The following USF3 variants were observed in gnomAD, a reference collection of about 807,000 sequenced individuals.
USF3 encodes the protein basic helix-loop-helix domain-containing protein USF3.
A neutral mutation model predicts 157.5 loss-of-function variants in USF3; 29 were observed. That is an observed-to-expected ratio of 0.18 (90% CI 0.14 to 0.25). The LOEUF is 0.25. Ranked by LOEUF, USF3 falls within the 10% of genes least tolerant of loss-of-function variation. USF3 has a pLI of 1.00. For missense variants in USF3, 2,381 were observed against 2,667.6 expected (o/e 0.89, Z 2.37); for synonymous variants, 893 against 941.4 (o/e 0.95, Z 0.94).
intron 1 of USF3, among the ~76,000 whole-genome samples, chr3:113,686,202 G>A (rs1707542123): frequency 6.6e-6 from 1 of 152,182 alleles, no homozygotes; most frequent in East Asian, 1.9e-4. Flanking sequence ...GCAAGGGCTG[G>A]TCTAAATGCT....
Position 113,656,563 on chromosome 3 carries a change from G to T in USF3, c.5119C>A (p.Pro1707Thr). The T allele has an allele frequency of 6.2e-7, 1 of 1,614,142 alleles. No individual in the cohort carries two copies. The change falls in exon 7 of 7, where the codon CCC (proline) becomes ACC (threonine). Residue 1707 changes from proline to threonine, a missense_variant. By Grantham distance (38) the Pro-to-Thr change is conservative. Around this residue, in one of 6 missense-constraint regions of USF3, gnomAD observed 770 missense variants for 824.2 expected, o/e 0.93. Coordinates refer to ENST00000316407, the MANE Select transcript of USF3 (RefSeq NM_001009899.4). Reference protein sequence around the residue: ...QLEMRSYLDVPRNKSLAIHNM... With the variant: ...QLEMRSYLDVTRNKSLAIHNM... ...TGAATAGCCAAACTCTTATTTCTGG[G>T]AACATCAAGATAGCTTCTCATTTCA...
Position 113,657,959 on chromosome 3 carries a change from C to T in USF3, c.3723G>A (p.Val1241=). The T allele has an allele frequency of 6.2e-7, 1 of 1,614,172 alleles. No individual in the cohort carries two copies. The highest frequency in any genetic ancestry group is 8.5e-7 in the Non-Finnish European group (1 of 1,180,026). The change falls in exon 7 of 7, where the codon GTG becomes GTA. Residue 1241 remains valine, a synonymous_variant. Coordinates refer to ENST00000316407, the MANE Select transcript of USF3 (RefSeq NM_001009899.4). ...SQPPSITSLS[V]NNLIHQSSIS... ...TGCTGCTCTGATGGATAAGATTATT[C>T]ACACTTAAACTGGTGATGCTTGGTG...
intron 1 of USF3, among the ~76,000 whole-genome samples, chr3:113,677,926 A>G (rs981047556): frequency 1.2e-4 from 18 of 152,222 alleles, no homozygotes; most frequent in Admixed American, 4.6e-4. Context: ...ATGACAAATG[A>G]GAGGTCTGGG....
chr3:113,655,982 G>A lies in USF3; in HGVS notation c.5700C>T (p.Ser1900=), dbSNP rs372305714. The change falls in exon 7 of 7, where the codon TCC becomes TCT. Residue 1900 remains serine (S), a synonymous_variant. Coordinates refer to ENST00000316407, the MANE Select transcript of USF3 (RefSeq NM_001009899.4). ...NSTLNIPFSS[S]SSSGDIQGRN... ...GACCTTGAATATCTCCTGAGGAAGA[G>A]GAACTTGAAAAAGGAATATTCAAGG... 54 of 1,614,166 alleles carry A rather than the reference G, an allele frequency of 3.3e-5. No homozygotes were observed. The African/African-American group carries it at 6.9e-4, about 21-fold the overall frequency.
At chr3:113,691,972 A>T (rs918485277) in intron 1 of USF3, among the ~76,000 whole-genome samples, 1 of 152,188 alleles carries the variant, frequency 6.6e-6, no homozygotes. Context: ...CGTGGAAGAC[A>T]ATTTTTCCAT....
In USF3 at chr3:113,650,095, T is replaced by A. The variant is rs1381565217; in HGVS notation, c.*4849A>T. 1.9e-6 allele frequency: 1 copy of A among 520,756 alleles called. No individual in the cohort carries two copies. Among genetic ancestry groups the A allele is most frequent in the East Asian group, 3.2e-5 (1 of 31,420 alleles). 32.3% of individuals were successfully genotyped at this position (520,756 alleles called of 1,614,324 possible). On this transcript the variant is annotated 3_prime_UTR_variant, in exon 7 of 7. Transcript: ENST00000316407. ...TGGATGTACACAGCCACAGGCGCAC[T>A]ACCTCCAGGCAAAGGTAGCATTTAT...
In USF3 at chr3:113,681,752, C is replaced by G. The variant is rs575341565; in HGVS notation, c.-134-4355G>C. Among the ~76,000 whole-genome samples the G allele has an allele frequency of 2.0e-4, 30 of 151,042 alleles. No homozygotes were observed. In the South Asian group the frequency reaches 6.1e-3, roughly 31 times the overall value. On this transcript the variant is annotated intron_variant, in intron 1 of 6. Transcript: ENST00000316407. ...TTTTTTTTTTTGAGATGGAGTCTCA[C>G]TCTGTCACCCAGGCTGGAGTGCAGT... is the stretch of plus-strand genomic sequence containing the variant.
At chr3:113,682,892 CT>C (rs1172015682) in intron 1 of USF3, among the ~76,000 whole-genome samples, 464 of 120,072 alleles carry the variant, frequency 3.9e-3, no homozygotes, top group African/African-American at 6.3e-3. Context: ...GATCGCTGGG[CT>C]TTTTTTTTTT....
intron 5 of USF3, among the ~76,000 whole-genome samples, chr3:113,668,087 T>C (rs1488553368): frequency 6.6e-6 from 1 of 151,952 alleles, no homozygotes; most frequent in Non-Finnish European, 1.5e-5. Flanking sequence ...AGAGGGGAAG[T>C]GGCTGAAAGA....
At chr3:113,693,115 T>C (rs977757396) in intron 1 of USF3, among the ~76,000 whole-genome samples, 6 of 152,242 alleles carry the variant, frequency 3.9e-5, no homozygotes, top group Non-Finnish European at 7.3e-5. Context: ...AAGATGTATA[T>C]GGCTATCTTT....
intron 6 of USF3, among the ~76,000 whole-genome samples, chr3:113,662,034 T>C (rs1947494586): frequency 6.6e-6 from 1 of 152,124 alleles, no homozygotes; most frequent in African/African-American, 2.4e-5. Context: ...TTTAGTAGAT[T>C]CAGGGTTTCG....
chr3:113,695,091 C>G (rs537834662), intron 1 of USF3, among the ~76,000 whole-genome samples: 1 of 152,104 alleles, frequency 6.6e-6, no homozygotes, highest in Non-Finnish European at 1.5e-5. Context: ...TGTCTTGGGC[C>G]GCATTAAAAG....
intron 1 of USF3, among the ~76,000 whole-genome samples, chr3:113,682,584 A>G (rs1363554543): frequency 2.0e-5 from 3 of 152,110 alleles, no homozygotes; most frequent in African/African-American, 7.2e-5. Flanking sequence ...CTATTATTGT[A>G]TTGGGGTCTA....
intron 1 of USF3, among the ~76,000 whole-genome samples, chr3:113,689,058 C>CAAACAAAG (rs1386753765): frequency 6.6e-6 from 1 of 151,848 alleles, no homozygotes; most frequent in Non-Finnish European, 1.5e-5. Flanking sequence ...AACAAACAAA[C>CAAACAAAG]AAAAACCAGA....
chr3:113,661,312 G>T lies in USF3; in HGVS notation c.370C>A (p.His124Asn). 1 of 1,613,970 alleles carries T rather than the reference G, an allele frequency of 6.2e-7. No individual in the cohort carries two copies. The highest frequency in any genetic ancestry group is 8.5e-7 in the Non-Finnish European group (1 of 1,179,932). ...GAGTTTTTAAGATTTCCTTTCCAGT[G>T]AATTGTCGGGTCATCATATAAGCAT... Reference protein sequence around the residue: ...DICLYDDPTIHWKGNLKNSKV... With the variant: ...DICLYDDPTINWKGNLKNSKV... The change falls in exon 7 of 7, where the codon CAC (histidine) becomes AAC (asparagine). Residue 124 changes from histidine (H) to asparagine (N), a missense_variant. This residue lies in a region of USF3 where 105 missense variants were observed against 158.6 expected (regional missense o/e 0.66). Coordinates refer to ENST00000316407, the MANE Select transcript of USF3 (RefSeq NM_001009899.4).
chr3:113,659,132 A>C lies in USF3; in HGVS notation c.2550T>G (p.Ser850=). 1 of 1,614,246 alleles carries C rather than the reference A, an allele frequency of 6.2e-7. No individual in the cohort carries two copies. Among genetic ancestry groups the C allele is most frequent in the Non-Finnish European group, 8.5e-7 (1 of 1,180,044 alleles). ...LLESFPAVLP[S]VSVSQANSVS... Reference sequence around the variant, plus strand: ...CACTATTTGCCTGAGACACAGAGACAGATGGTAACACAGCAGGGAAGCTTT... The same window carrying C: ...CACTATTTGCCTGAGACACAGAGACCGATGGTAACACAGCAGGGAAGCTTT... Residue 850 remains serine (S), a synonymous_variant, in exon 7 of 7, where the codon TCT becomes TCG. Coordinates refer to ENST00000316407, the MANE Select transcript of USF3 (RefSeq NM_001009899.4).
intron 5 of USF3, among the ~76,000 whole-genome samples, 174 bp downstream of exon 5, chr3:113,669,947 C>T (rs1031871761): frequency 1.3e-5 from 2 of 152,086 alleles, no homozygotes; most frequent in African/African-American, 4.8e-5. Flanking sequence ...CATGAAGAAA[C>T]TGTACTAAAA....
Position 113,651,343 on chromosome 3 carries a change from TCC to T in USF3, c.*3599_*3600del, listed in dbSNP as rs1947257488. 1 of 152,152 alleles carries T rather than the reference TCC, an allele frequency of 6.6e-6. No individual in the cohort carries two copies. 9.4% of individuals were successfully genotyped at this position (152,152 alleles called of 1,614,324 possible). A position where few individuals can be genotyped will look rare whatever the true frequency, so the allele number is the denominator to read the frequency against. On this transcript the variant is annotated 3_prime_UTR_variant, in exon 7 of 7. Transcript: ENST00000316407. ...TTAAGAGAATACGAGGCATACTGGT[TCC>T]CAAAGCCAAGACTTGGGAATCACTG...
chr3:113,672,835 T>C (rs1017287400), intron 4 of USF3, among the ~76,000 whole-genome samples: 2 of 152,232 alleles, frequency 1.3e-5, no homozygotes, highest in Non-Finnish European at 1.5e-5. Flanking sequence ...ATTTTATAGA[T>C]GTTTATCTGG....
Sources: allele counts gnomAD v4.1 joint callset (sites outside exome capture counted in the v4.1 genomes callset), GRCh38; gene constraint gnomAD v4.1.1; regional missense constraint gnomAD v4.1.1; transcripts MANE v1.5; gene names NCBI Gene and HGNC (gene_info 2026-07-23, HGNC 2026-07-21).